Variants in EPB41L4B observed in about 807,000 individuals in gnomAD.
The protein encoded by EPB41L4B is erythrocyte membrane protein band 4.1 like 4B.
In EPB41L4B, 30 loss-of-function variants were observed where a neutral mutation model predicts 112.5. The ratio of observed to expected loss-of-function variants is 0.27; its 90% CI spans 0.20 to 0.36. The LOEUF is 0.36. Ranked by LOEUF, EPB41L4B falls within the 10% of genes least tolerant of loss-of-function variation. The pLI, the probability that EPB41L4B is intolerant of heterozygous loss-of-function variation, is 1.00. For synonymous variants in EPB41L4B, 408 were observed against 439.7 expected (o/e 0.93, Z 0.90); for missense variants, 1,024 against 1,133.3 (o/e 0.90, Z 1.38).
At chr9:109,243,976 G>A (rs757121263) in intron 14 of EPB41L4B, among the ~76,000 whole-genome samples, 25 of 152,312 alleles carry the variant, frequency 1.6e-4, no homozygotes, top group East Asian at 1.5e-3. Flanking sequence ...GGGGTCGTCC[G>A]GAGTACCAGA....
chr9:109,271,321 GA>G (rs1356690344), intron 2 of EPB41L4B, among the ~76,000 whole-genome samples: 2 of 152,260 alleles, frequency 1.3e-5, no homozygotes, highest in Admixed American at 6.5e-5. Flanking sequence ...TGGGGCTGGT[GA>G]AGCCGAGAAT....
chr9:109,276,154 T>TACACACAC (rs66791042), intron 2 of EPB41L4B, among the ~76,000 whole-genome samples: 13 of 141,732 alleles, frequency 9.2e-5, no homozygotes, highest in Admixed American at 1.4e-4. Flanking sequence ...CGTGTGTGTA[T>TACACACAC]ACACACACAC....
chr9:109,256,010 C>T (rs1383663369), intron 9 of EPB41L4B, 126 bp downstream of exon 9: 3 of 1,132,460 alleles, frequency 2.6e-6, no homozygotes, highest in Non-Finnish European at 3.9e-6. Context: ...AGACCCACAA[C>T]AGCAGCACCG....
chr9:109,265,208 G>T (rs374129980), intron 4 of EPB41L4B, among the ~76,000 whole-genome samples, 184 bp from the exon 5 acceptor site: 3 of 152,334 alleles, frequency 2.0e-5, no homozygotes, highest in African/African-American at 7.2e-5. Flanking sequence ...AGGCATCCCA[G>T]AACCACGCTA....
chr9:109,299,215 C>CTTAT, intron 1 of EPB41L4B, among the ~76,000 whole-genome samples: 1 of 152,248 alleles, frequency 6.6e-6, no homozygotes, highest in Non-Finnish European at 1.5e-5. Context: ...AATGTGATTA[C>CTTAT]TTACTTATTT....
Position 109,320,327 on chromosome 9 carries a change from G to C in EPB41L4B, c.120C>G (p.Gly40=). 1 of 991,124 alleles carries C rather than the reference G, an allele frequency of 1.0e-6. No individual in the cohort carries two copies. Among genetic ancestry groups the C allele is most frequent in the Non-Finnish European group, 1.2e-6 (1 of 835,116 alleles). 61.4% of individuals were successfully genotyped at this position (991,124 alleles called of 1,614,324 possible). ...GDERDGGPRG[G]PAAAASSSAL... is the part of the protein sequence containing the mutation. ...CCGAGGAGGAGGCGGCGGCGGCCGG[G>C]CCCCCCCGTGGCCCCCCATCGCGCT... Residue 40 remains glycine, a synonymous_variant, in exon 1 of 26, where the codon GGC becomes GGG. Coordinates refer to ENST00000374566, the MANE Select transcript of EPB41L4B (RefSeq NM_019114.5).
intron 1 of EPB41L4B, among the ~76,000 whole-genome samples, chr9:109,310,000 C>T (rs1010282772): frequency 6.6e-6 from 1 of 152,198 alleles, no homozygotes; most frequent in South Asian, 2.1e-4. Context: ...CCCACTCTTC[C>T]TCCCAGGTAC....
intron 1 of EPB41L4B, among the ~76,000 whole-genome samples, chr9:109,281,758 A>C (rs1239821653): frequency 6.6e-6 from 1 of 151,962 alleles, no homozygotes; most frequent in African/African-American, 2.4e-5. Flanking sequence ...ATCATAACAA[A>C]TGTTGGAGAA....
Position 109,293,874 on chromosome 9 carries a change from G to A in EPB41L4B, c.307-13953C>T, listed in dbSNP as rs574275666. Among the ~76,000 whole-genome samples the A allele has an allele frequency of 2.0e-5, 3 of 152,224 alleles. No individual in the cohort carries two copies. In the East Asian group the frequency reaches 5.8e-4, roughly 29 times the overall value. ...TGAAAAGAGGAGAAGGGGATGTACA[G>A]ATAAAAAGAACTTAAGAGACATATC... On this transcript the variant is annotated intron_variant, in intron 1 of 25. Transcript: ENST00000374566.
At chr9:109,251,266 G>A (rs772383704) in intron 13 of EPB41L4B, among the ~76,000 whole-genome samples, 63 of 152,316 alleles carry the variant, frequency 4.1e-4, no homozygotes, top group Admixed American at 7.2e-4. Flanking sequence ...AAACAAAGCA[G>A]CTGTGTTTGC....
chr9:109,238,964 G>A (rs929152798), intron 15 of EPB41L4B, among the ~76,000 whole-genome samples: 5 of 152,228 alleles, frequency 3.3e-5, no homozygotes, highest in African/African-American at 7.2e-5. Flanking sequence ...ATGGAGACAC[G>A]GAGTGGGGAA....
Position 109,304,917 on chromosome 9 carries a change from T to TCACCA in EPB41L4B, c.306+15223_306+15224insTGGTG, listed in dbSNP as rs1837113661. Among the ~76,000 whole-genome samples the TCACCA allele has an allele frequency of 8.6e-5, 13 of 151,674 alleles. 1 individual carries two copies. The highest frequency in any genetic ancestry group is 3.1e-4 in the African/African-American group (13 of 41,350). On this transcript the variant is annotated intron_variant, in intron 1 of 25. Coordinates refer to ENST00000374566, the MANE Select transcript of EPB41L4B (RefSeq NM_019114.5). Reference sequence around the variant, plus strand: ...GAATGACGGCTCAACAGGTAGAGGGTTTCCTTTTGGGGTGATGACAATATT... The same window carrying TCACCA: ...GAATGACGGCTCAACAGGTAGAGGGTCACCATTCCTTTTGGGGTGATGACAATATT...
intron 13 of EPB41L4B, among the ~76,000 whole-genome samples, chr9:109,248,968 A>G (rs1473575170): frequency 6.6e-6 from 1 of 151,482 alleles, no homozygotes; most frequent in Admixed American, 6.6e-5. Context: ...CTGAGGCAGG[A>G]GAACGGCGTG....
chr9:109,176,788 T>C, intron 24 of EPB41L4B, 92 bp from the exon 25 acceptor site: 12 of 1,430,010 alleles, frequency 8.4e-6, no homozygotes, highest in Non-Finnish European at 1.2e-5. Context: ...CTACAGTTCC[T>C]GTTCCTTTTC....
chr9:109,266,341 A>T (rs1164186022), intron 4 of EPB41L4B, among the ~76,000 whole-genome samples: 2 of 151,886 alleles, frequency 1.3e-5, no homozygotes, highest in African/African-American at 4.8e-5. Flanking sequence ...ACGCCACTGC[A>T]CTCCAGCCTG....
intron 6 of EPB41L4B, among the ~76,000 whole-genome samples, chr9:109,260,391 A>T (rs1469227530): frequency 6.8e-6 from 1 of 147,266 alleles, no homozygotes; most frequent in African/African-American, 2.5e-5. Flanking sequence ...TTTCTATCTG[A>T]CATAACAATC....
At chr9:109,246,074 C>A (rs1257485780) in intron 14 of EPB41L4B, among the ~76,000 whole-genome samples, 3 of 152,136 alleles carry the variant, frequency 2.0e-5, no homozygotes, top group African/African-American at 7.2e-5. Context: ...CACCTGAAAA[C>A]CCCTTAACAA....
At chr9:109,249,080 T>TAA (rs1834681884) in intron 13 of EPB41L4B, among the ~76,000 whole-genome samples, 1 of 147,396 alleles carries the variant, frequency 6.8e-6, no homozygotes, top group Non-Finnish European at 1.5e-5. Flanking sequence ...AAAATATATA[T>TAA]ATATATATAT....
chr9:109,226,625 TATATGAAGA>T (rs1346229551), intron 15 of EPB41L4B, among the ~76,000 whole-genome samples: 15 of 109,812 alleles, frequency 1.4e-4, no homozygotes, highest in African/African-American at 5.4e-4. Flanking sequence ...TATATATATA[TATATGAAGA>T]ATATATATAT....
Sources: gnomAD v4.1 joint callset for allele counts (sites outside exome capture counted in the v4.1 genomes callset) on GRCh38, gnomAD v4.1.1 for gene constraint, MANE v1.5 for transcripts, NCBI Gene and HGNC (gene_info 2026-07-23, HGNC 2026-07-21) for gene names.